The following SYNPO2 variants were observed in gnomAD, a reference collection of about 807,000 sequenced individuals.
The protein encoded by SYNPO2 is synaptopodin-2.
A neutral mutation model predicts 85.0 loss-of-function variants in SYNPO2; 56 were observed. The ratio of observed to expected loss-of-function variants is 0.66; its 90% CI spans 0.53 to 0.82. The LOEUF (loss-of-function observed/expected upper bound fraction) is 0.82, where lower values mean the gene tolerates loss of function less well. SYNPO2 is among the 40% of genes least tolerant of loss of function. The probability of loss-of-function intolerance (pLI) is 0.00; values close to 1 mark genes in which losing one functional copy is unlikely to be tolerated. For synonymous variants in SYNPO2, 602 were observed against 591.1 expected (o/e 1.02, Z -0.27); for missense variants, 1,575 against 1,534.2 (o/e 1.03, Z -0.44).
chr4:119,014,700 A>G (rs958927962), intron 1 of SYNPO2, among the ~76,000 whole-genome samples: 3 of 152,214 alleles, frequency 2.0e-5, no homozygotes, highest in African/African-American at 7.2e-5. Context: ...AATTGCTTCT[A>G]TAGATCACAT....
intron 1 of SYNPO2, among the ~76,000 whole-genome samples, chr4:118,971,525 A>G (rs771629565): frequency 9.9e-5 from 15 of 152,240 alleles, no homozygotes; most frequent in Non-Finnish European, 2.1e-4. Context: ...TCTTTTAGGA[A>G]TTAATGTTTA....
intron 1 of SYNPO2, among the ~76,000 whole-genome samples, chr4:118,879,002 A>G (rs1268271918): frequency 2.0e-5 from 3 of 152,206 alleles, no homozygotes; most frequent in Admixed American, 2.0e-4. Flanking sequence ...TCCTGAAGTC[A>G]GCGAGACCAT....
chr4:118,921,537 C>G (rs773850645), intron 1 of SYNPO2, among the ~76,000 whole-genome samples: 1 of 151,956 alleles, frequency 6.6e-6, no homozygotes, highest in Non-Finnish European at 1.5e-5. Flanking sequence ...CACTTAAGAC[C>G]AGGACTTTGA....
chr4:118,906,181 T>C (rs1560848131), intron 1 of SYNPO2, among the ~76,000 whole-genome samples: 2 of 152,320 alleles, frequency 1.3e-5, no homozygotes, highest in East Asian at 3.9e-4. Context: ...GTGGCAACTA[T>C]TGAAAAGCCT....
chr4:118,971,660 G>A (rs1413182749), intron 1 of SYNPO2, among the ~76,000 whole-genome samples: 1 of 152,178 alleles, frequency 6.6e-6, no homozygotes, highest in African/African-American at 2.4e-5. Context: ...CTACTTTCTG[G>A]GTCCTGAAGC....
intron 1 of SYNPO2, among the ~76,000 whole-genome samples, chr4:118,938,139 TA>T (rs930233586): frequency 6.6e-6 from 1 of 152,024 alleles, no homozygotes; most frequent in African/African-American, 2.4e-5. Context: ...TCATCTCTAC[TA>T]AAAAATACAA....
intron 1 of SYNPO2, among the ~76,000 whole-genome samples, chr4:118,943,456 AC>A (rs1734389558): frequency 6.6e-6 from 1 of 152,210 alleles, no homozygotes; most frequent in East Asian, 1.9e-4. Flanking sequence ...GACTAAATTA[AC>A]ATAAGTGATG....
Position 119,026,609 on chromosome 4 carries a change from T to C in SYNPO2, c.258-18T>C, listed in dbSNP as rs781738065. ...CATAGTCTGATTTAAGTGTCTGGAA[T>C]GATTTTTCTGTGTGCAGACCATCCA... On this transcript the variant is annotated intron_variant, in intron 2 of 4. Transcript: ENST00000307142. 3 of 1,562,938 alleles carry C rather than the reference T, an allele frequency of 1.9e-6. No homozygotes were observed. Among genetic ancestry groups the C allele is most frequent in the Admixed American group, 3.9e-5 (2 of 51,728 alleles).
In SYNPO2 at chr4:118,902,843, AATT is replaced by A. The variant is rs1221459595; in HGVS notation, c.105+13710_105+13712del. On this transcript the variant is annotated intron_variant, in intron 1 of 4. Coordinates refer to ENST00000307142, the MANE Select transcript of SYNPO2 (RefSeq NM_133477.3). ...CTTAGAAAACATTCAAGAGTTTAAA[AATT>A]ATTATTACCATGTTTAACCTTGACA... 3.9e-5 allele frequency among the ~76,000 whole-genome samples: 6 copies of A among 152,188 alleles called. No homozygotes were observed. The East Asian group carries it at 1.2e-3, about 29-fold the overall frequency.
At chr4:118,914,506 T>C (rs1206588268) in intron 1 of SYNPO2, among the ~76,000 whole-genome samples, 1 of 151,928 alleles carries the variant, frequency 6.6e-6, no homozygotes, top group Admixed American at 6.6e-5. Context: ...AAAAGGAGAG[T>C]ATTTCAAGGA....
At position 119,058,099 on chromosome 4, in the gene SYNPO2, TG is replaced by T. The variant is rs1739276269; in HGVS notation, c.*166del. 4 of 605,832 alleles carry T rather than the reference TG, an allele frequency of 6.6e-6. No individual in the cohort carries two copies. The highest frequency in any genetic ancestry group is 6.0e-5 in the African/African-American group (3 of 49,756). 37.5% of individuals were successfully genotyped at this position (605,832 alleles called of 1,614,324 possible). On this transcript the variant is annotated 3_prime_UTR_variant, in exon 5 of 5. Transcript: ENST00000307142. ...TTCTGTGTGTGTGTGTGTGTGTGTA[TG>T]TATGTGAATATACACACACACACAC...
chr4:118,953,380 T>C (rs1734761748), intron 1 of SYNPO2, among the ~76,000 whole-genome samples: 1 of 152,210 alleles, frequency 6.6e-6, no homozygotes, highest in Non-Finnish European at 1.5e-5. Flanking sequence ...TGTGTCAGAT[T>C]CTAACCCCTG....
At chr4:118,891,799 T>C (rs1039080025) in intron 1 of SYNPO2, among the ~76,000 whole-genome samples, 2 of 152,286 alleles carry the variant, frequency 1.3e-5, no homozygotes, top group East Asian at 3.9e-4. Flanking sequence ...CAGTTTTGAA[T>C]AACATGCACA....
intron 1 of SYNPO2, among the ~76,000 whole-genome samples, chr4:118,879,141 C>T (rs902458801): frequency 4.6e-5 from 7 of 152,128 alleles, no homozygotes; most frequent in Non-Finnish European, 8.8e-5. Context: ...GAAGAAACTC[C>T]CGACACATCT....
intron 1 of SYNPO2, among the ~76,000 whole-genome samples, chr4:118,961,267 A>T (rs994849376): frequency 3.3e-5 from 5 of 152,098 alleles, no homozygotes; most frequent in Non-Finnish European, 7.4e-5. Context: ...AGATGTCACT[A>T]GTGCCGAGGA....
chr4:118,894,110 C>T (rs1275971379), intron 1 of SYNPO2, among the ~76,000 whole-genome samples: 3 of 151,098 alleles, frequency 2.0e-5, no homozygotes, highest in Admixed American at 2.0e-4. Flanking sequence ...TTCTTTACTG[C>T]TCTGATGTTC....
chr4:118,887,166 A>AGTGAGTGTGT (rs1553935343), upstream of SYNPO2, among the ~76,000 whole-genome samples: 3 of 139,058 alleles, frequency 2.2e-5, no homozygotes, highest in Admixed American at 7.2e-5. Flanking sequence ...CATCTGAGTG[A>AGTGAGTGTGT]GTGTGTGTGT....
At chr4:118,900,513 T>A (rs1406077809) in intron 1 of SYNPO2, among the ~76,000 whole-genome samples, 1 of 151,966 alleles carries the variant, frequency 6.6e-6, no homozygotes, top group African/African-American at 2.4e-5. Context: ...AAGATTCCAG[T>A]ATGGTTTAAA....
At chr4:118,917,109 A>G (rs1448400750) in intron 1 of SYNPO2, among the ~76,000 whole-genome samples, 1 of 152,174 alleles carries the variant, frequency 6.6e-6, no homozygotes, top group Non-Finnish European at 1.5e-5. Context: ...ACAAAGAAAC[A>G]GGCCAGGCAC....
Sources: allele counts gnomAD v4.1 joint callset (sites outside exome capture counted in the v4.1 genomes callset), GRCh38; gene constraint gnomAD v4.1.1; transcripts MANE v1.5; gene names NCBI Gene and HGNC (gene_info 2026-07-23, HGNC 2026-07-21).